Variants in ATP9B observed in about 807,000 individuals in gnomAD.
ATP9B encodes the protein ATPase phospholipid transporting 9B.
A neutral mutation model predicts 146.1 loss-of-function variants in ATP9B; 110 were observed. That is an observed-to-expected ratio of 0.75 (90% CI 0.65 to 0.88). The LOEUF is 0.88. Ranked by LOEUF, ATP9B falls within the 40% of genes least tolerant of loss-of-function variation. ATP9B has a pLI of 0.00. For synonymous variants in ATP9B, 604 were observed against 569.7 expected (o/e 1.06, Z -0.86); for missense variants, 1,499 against 1,496.4 (o/e 1.00, Z -0.03).
chr18:79,370,571 GA>G (rs1332816603), intron 26 of ATP9B, among the ~76,000 whole-genome samples: 7 of 152,196 alleles, frequency 4.6e-5, no homozygotes, highest in African/African-American at 1.4e-4. Flanking sequence ...AATATAACAG[GA>G]TTTTGTTCTC....
rs116924930 is a variant in ATP9B, at chr18:79,290,747, G to A, written c.1412-12857G>A. ...CTGTAGACTGGAGCTGTTCCTATTCGGCTGTCTTGGCTGCCCCCCTTCCAT... is the reference window on the plus strand; with the variant it reads ...CTGTAGACTGGAGCTGTTCCTATTCAGCTGTCTTGGCTGCCCCCCTTCCAT... On this transcript the variant is annotated intron_variant, in intron 13 of 29. Coordinates refer to ENST00000426216, the MANE Select transcript of ATP9B (RefSeq NM_198531.5). Among the ~76,000 whole-genome samples the A allele has an allele frequency of 4.5e-3, 678 of 152,292 alleles. 6 individuals are homozygous for A. The highest frequency in any genetic ancestry group is 6.8e-3 in the Middle Eastern group (2 of 294).
chr18:79,197,318 T>C (rs768442541), intron 9 of ATP9B, among the ~76,000 whole-genome samples: 4 of 151,988 alleles, frequency 2.6e-5, no homozygotes, highest in Non-Finnish European at 4.4e-5. Context: ...CTGTTTGATA[T>C]GTTTGGAAAT....
intron 2 of ATP9B, among the ~76,000 whole-genome samples, chr18:79,104,234 A>G (rs2075499212): frequency 6.6e-6 from 1 of 152,126 alleles, no homozygotes; most frequent in Admixed American, 6.6e-5. Context: ...GAGAAGGTTG[A>G]GGATCTGTGT....
chr18:79,373,994 T>G lies in ATP9B; in HGVS notation c.3167T>G (p.Leu1056Arg). The G allele has an allele frequency of 6.2e-7, 1 of 1,614,190 alleles. No individual in the cohort carries two copies. The highest frequency in any genetic ancestry group is 8.5e-7 in the Non-Finnish European group (1 of 1,180,038). Residue 1056 changes from leucine to arginine, a missense_variant, in exon 28 of 30, where the codon CTG becomes CGG. Physicochemically the swap from Leu to Arg is moderately radical, Grantham distance 102 (BLOSUM62 -2). Transcript: ENST00000426216. The part of the protein sequence containing the change: ...SFTALILTEL[L>R]MVALTVRTWH... ...ACCGCACTGATCCTGACCGAGCTGC[T>G]GATGGTGGCGCTGACCGTCCGCACG...
intron 7 of ATP9B, among the ~76,000 whole-genome samples, chr18:79,168,504 C>G (rs184077536): frequency 6.6e-6 from 1 of 152,008 alleles, no homozygotes; most frequent in African/African-American, 2.4e-5. Context: ...TTAGATGGAC[C>G]TAATCATGGC....
intron 9 of ATP9B, among the ~76,000 whole-genome samples, chr18:79,199,823 C>G (rs561759752): frequency 6.6e-6 from 1 of 151,842 alleles, no homozygotes; most frequent in Non-Finnish European, 1.5e-5. Flanking sequence ...TAGGCCTACT[C>G]GGATCATCAG....
At chr18:79,280,388 T>C (rs1048382133) in intron 13 of ATP9B, among the ~76,000 whole-genome samples, 2 of 152,162 alleles carry the variant, frequency 1.3e-5, no homozygotes, top group African/African-American at 4.8e-5. Context: ...ATATCTACCT[T>C]GATTAATATT....
At position 79,193,265 on chromosome 18, in the gene ATP9B, T is replaced by G; in HGVS notation, c.954+2T>G. 3 of 1,598,658 alleles carry G rather than the reference T, an allele frequency of 1.9e-6. No homozygotes were observed. In the East Asian group the frequency reaches 6.7e-5, roughly 36 times the overall value. On this transcript the variant is annotated splice_donor_variant, in intron 9 of 29. Transcript: ENST00000426216. LOFTEE classifies it high-confidence loss of function. The stretch of plus-strand genomic sequence containing the variant: ...AGTTTCGAAGGCACATTTACCAGGG[T>G]AAGTTAAACCTGTTGTTCAATACAA...
chr18:79,268,475 C>T (rs1402300694), intron 12 of ATP9B, among the ~76,000 whole-genome samples: 4 of 151,836 alleles, frequency 2.6e-5, no homozygotes, highest in African/African-American at 4.8e-5. Flanking sequence ...CTTTTTTCTC[C>T]AGCAGTTTAG....
At chr18:79,250,910 G>T (rs966574437) in intron 11 of ATP9B, among the ~76,000 whole-genome samples, 3 of 152,210 alleles carry the variant, frequency 2.0e-5, no homozygotes, top group Non-Finnish European at 2.9e-5. Context: ...CGTTTTACTT[G>T]GCTAGAAGGG....
intron 10 of ATP9B, among the ~76,000 whole-genome samples, chr18:79,210,355 G>A (rs1263838353): frequency 1.3e-5 from 2 of 152,228 alleles, no homozygotes; most frequent in Non-Finnish European, 2.9e-5. Flanking sequence ...TGGCCATGTG[G>A]ACCCACGCCT....
At chr18:79,147,746 A>G (rs2094614885) in intron 6 of ATP9B, among the ~76,000 whole-genome samples, 1 of 151,886 alleles carries the variant, frequency 6.6e-6, no homozygotes, top group Admixed American at 6.6e-5. Context: ...AGTAATCTAA[A>G]CCCCTACTGC....
At chr18:79,140,901 A>G (rs2094506024) in intron 5 of ATP9B, among the ~76,000 whole-genome samples, 1 of 152,340 alleles carries the variant, frequency 6.6e-6, no homozygotes, top group East Asian at 1.9e-4. Flanking sequence ...CTCTATGAGG[A>G]AAAACCCACT....
chr18:79,214,005 A>C lies in ATP9B; in HGVS notation c.1074A>C (p.Arg358=). The stretch of plus-strand genomic sequence containing the variant: ...TCATTTATACCGGAAAAGAGACTCG[A>C]AGTGTAATGAACACATCCAATCCAA... ...GVVIYTGKET[R]SVMNTSNPKN... The change falls in exon 11 of 30, where the codon CGA becomes CGC. Residue 358 remains arginine, a synonymous_variant. Transcript: ENST00000426216. The C allele has an allele frequency of 6.2e-7, 1 of 1,606,250 alleles. No homozygotes were observed.
chr18:79,351,275 G>T (rs2096920882), intron 25 of ATP9B, among the ~76,000 whole-genome samples: 2 of 152,240 alleles, frequency 1.3e-5, no homozygotes, highest in Admixed American at 1.3e-4. Flanking sequence ...GCTTGGGTTA[G>T]TGAGGCCTGT....
chr18:79,082,869 G>A (rs1042582218), intron 1 of ATP9B, among the ~76,000 whole-genome samples: 1 of 152,198 alleles, frequency 6.6e-6, no homozygotes, highest in Admixed American at 6.5e-5. Context: ...TCTCCAGTCA[G>A]GATACATGGC....
chr18:79,265,168 T>C (rs930892313), intron 12 of ATP9B, among the ~76,000 whole-genome samples: 1 of 152,200 alleles, frequency 6.6e-6, no homozygotes, highest in African/African-American at 2.4e-5. Flanking sequence ...TGAGGACATG[T>C]GGTATTTGGT....
intron 11 of ATP9B, among the ~76,000 whole-genome samples, chr18:79,231,248 C>T (rs1236258793): frequency 6.6e-6 from 1 of 152,154 alleles, no homozygotes; most frequent in Middle Eastern, 3.4e-3. Flanking sequence ...ACCTATACAT[C>T]TGACAAAGGA....
At chr18:79,283,207 C>A (rs983347906) in intron 13 of ATP9B, among the ~76,000 whole-genome samples, 3 of 152,176 alleles carry the variant, frequency 2.0e-5, no homozygotes, top group Admixed American at 1.3e-4. Context: ...TTTGCAGTCA[C>A]CTTGGGGGCC....
Sources: gnomAD v4.1 joint callset for allele counts (sites outside exome capture counted in the v4.1 genomes callset) on GRCh38, gnomAD v4.1.1 for gene constraint, MANE v1.5 for transcripts, NCBI Gene and HGNC (gene_info 2026-07-23, HGNC 2026-07-21) for gene names.